The following VLDLR variants were observed in gnomAD, a reference collection of about 807,000 sequenced individuals.
VLDLR encodes very low density lipoprotein receptor, also known as very low-density lipoprotein receptor.
In VLDLR, 81 loss-of-function variants were observed where a neutral mutation model predicts 112.7. The observed-to-expected ratio is 0.72, with a 90% CI of 0.60 to 0.86. VLDLR has a LOEUF of 0.86. Among genes scored for constraint, VLDLR ranks in the 40% least tolerant of loss-of-function variants. The pLI, the probability that VLDLR is intolerant of heterozygous loss-of-function variation, is 0.00. For missense variants in VLDLR, 1,237 were observed against 1,099.4 expected (o/e 1.13, Z -1.77); for synonymous variants, 436 against 384.8 (o/e 1.13, Z -1.56).
intron 11 of VLDLR, 22 bp from the exon 12 acceptor site, chr9:2,647,452 T>C: frequency 6.2e-7 from 1 of 1,601,822 alleles, no homozygotes; most frequent in South Asian, 1.1e-5. Flanking sequence ...CTGAGGCTTA[T>C]TTCTCATTTA....
chr9:2,626,088 G>T (rs572073219), intron 1 of VLDLR, among the ~76,000 whole-genome samples: 2 of 152,346 alleles, frequency 1.3e-5, no homozygotes, highest in East Asian at 3.9e-4. Context: ...GGAACCAAAT[G>T]AGATGGCAGG....
chr9:2,641,541 T>C (rs143170351), intron 4 of VLDLR, 42 bp downstream of exon 4: 2 of 1,612,814 alleles, frequency 1.2e-6, no homozygotes, highest in Non-Finnish European at 1.7e-6. Context: ...AAAGACCCTT[T>C]TCCTAAAGGA....
chr9:2,653,694 CT>C, intron 18 of VLDLR, 138 bp from the exon 19 acceptor site: 1 of 858,302 alleles, frequency 1.2e-6, no homozygotes. Context: ...ACTCAGTATT[CT>C]TTTGTATCTG....
chr9:2,623,987 G>C (rs185975123), intron 1 of VLDLR, among the ~76,000 whole-genome samples: 4 of 152,256 alleles, frequency 2.6e-5, no homozygotes, highest in African/African-American at 9.6e-5. Context: ...AAAACGCTAA[G>C]GTATACCAGA....
chr9:2,648,176 T>A (rs368906793), intron 12 of VLDLR, 32 bp from the exon 13 acceptor site: 2 of 1,613,718 alleles, frequency 1.2e-6, no homozygotes, highest in Admixed American at 1.7e-5. Flanking sequence ...AGTAGTGGCT[T>A]GTCATGTAAT....
chr9:2,634,643 G>A (rs1028430949), intron 1 of VLDLR, among the ~76,000 whole-genome samples: 3 of 152,154 alleles, frequency 2.0e-5, no homozygotes, highest in Non-Finnish European at 2.9e-5. Context: ...CAGAGAAATC[G>A]AAACTACATC....
At chr9:2,640,394 G>A (rs1309878886) in intron 3 of VLDLR, among the ~76,000 whole-genome samples, 1 of 152,186 alleles carries the variant, frequency 6.6e-6, no homozygotes, top group Non-Finnish European at 1.5e-5. Flanking sequence ...CTATTAAAAA[G>A]CTATTACTGA....
chr9:2,650,021 C>T (rs1441173434), intron 14 of VLDLR, among the ~76,000 whole-genome samples: 3 of 152,198 alleles, frequency 2.0e-5, no homozygotes, highest in East Asian at 1.9e-4. Flanking sequence ...ACCAGGAGAA[C>T]ATGCCTAGTC....
In VLDLR at chr9:2,651,916, C is replaced by T. The variant is rs758903406; in HGVS notation, c.2378C>T (p.Pro793Leu). ...GCAGTATCAGAGGTCAGTGTTCCCC[C>T]AAAAGGGACTTCTGCCGCATGGGCC... ...TTAVSEVSVP[P>L]KGTSAAWAIL... Residue 793 changes from proline to leucine, a missense_variant, in exon 17 of 19, where the codon CCA becomes CTA. Pro to Leu is a moderately conservative substitution (Grantham distance 98). Transcript: ENST00000382100. The T allele has an allele frequency of 1.2e-5, 19 of 1,613,978 alleles. No individual in the cohort carries two copies. Among genetic ancestry groups the T allele is most frequent in the Non-Finnish European group, 1.6e-5 (19 of 1,179,984 alleles).
At chr9:2,626,488 C>T (rs1817091374) in intron 1 of VLDLR, among the ~76,000 whole-genome samples, 1 of 152,182 alleles carries the variant, frequency 6.6e-6, no homozygotes, top group African/African-American at 2.4e-5. Context: ...TGAGTGAAGT[C>T]TCCTAGGAAA....
intron 18 of VLDLR, 68 bp from the exon 19 acceptor site, chr9:2,653,765 T>C (rs1384569575): frequency 1.0e-5 from 16 of 1,582,752 alleles, no homozygotes; most frequent in Non-Finnish European, 1.4e-5. Flanking sequence ...GCAAGGTCCA[T>C]TTTAAAGACT....
rs772864296 is a variant in VLDLR at position 2,647,504 on chromosome 9, A to C, written c.1734A>C (p.Pro578=). 4 of 1,614,062 alleles carry C rather than the reference A, an allele frequency of 2.5e-6. No individual in the cohort carries two copies. The African/African-American group carries it at 5.3e-5, about 22-fold the overall frequency. ...TTTACTGGTCAGACTGGGGTGAACC[A>C]GCTAAAATAGAAAAAGCAGGAATGA... ...GFVYWSDWGE[P]AKIEKAGMNG... is the part of the protein sequence containing the mutation. The change falls in exon 12 of 19, where the codon CCA becomes CCC. Residue 578 remains proline, a synonymous_variant. Transcript: ENST00000382100.
intron 1 of VLDLR, among the ~76,000 whole-genome samples, chr9:2,633,695 A>G (rs1242774728): frequency 6.6e-6 from 1 of 152,142 alleles, no homozygotes; most frequent in Non-Finnish European, 1.5e-5. Flanking sequence ...ATTTATACCT[A>G]TGTTCTCAGA....
intron 4 of VLDLR, 39 bp from the exon 5 acceptor site, chr9:2,643,121 C>A (rs777147803): frequency 2.2e-5 from 36 of 1,602,292 alleles, no homozygotes; most frequent in Non-Finnish European, 2.6e-5. Context: ...ACGGACCAAT[C>A]TTGATGCATT....
chr9:2,641,135 A>G (rs930044440), intron 3 of VLDLR, among the ~76,000 whole-genome samples: 17 of 152,224 alleles, frequency 1.1e-4, no homozygotes, highest in African/African-American at 4.1e-4. Context: ...TGAGCACGCC[A>G]TGGGACCTTG....
intron 17 of VLDLR, among the ~76,000 whole-genome samples, 153 bp downstream of exon 17, chr9:2,652,107 C>G (rs2130809211): frequency 6.6e-6 from 1 of 152,334 alleles, no homozygotes; most frequent in South Asian, 2.1e-4. Flanking sequence ...ACATAATACA[C>G]TAAATTAAGG....
chr9:2,643,175 G>A lies in VLDLR; in HGVS notation c.464G>A (p.Ser155Asn). Residue 155 changes from serine (S) to asparagine (N), a missense_variant, in exon 5 of 19, where the codon AGT becomes AAT. By Grantham distance (46) the Ser-to-Asn change is conservative. Coordinates refer to ENST00000382100, the MANE Select transcript of VLDLR (RefSeq NM_003383.5). ...CTCTTAATAGGCAATATAACATGTA[G>A]TCCCGACGAGTTCACCTGCTCCAGT... ...DEENCGNITC[S>N]PDEFTCSSGR... 6.2e-7 allele frequency: 1 copy of A among 1,612,090 alleles called. No homozygotes were observed. The highest frequency in any genetic ancestry group is 8.5e-7 in the Non-Finnish European group (1 of 1,180,040).
chr9:2,622,064 C>T lies in VLDLR; in HGVS notation c.-126C>T, dbSNP rs903449508. 1.6e-5 allele frequency: 14 copies of T among 875,692 alleles called. No individual in the cohort carries two copies. The African/African-American group carries it at 2.5e-4, about 16-fold the overall frequency. The allele number at this position is 875,692 out of a possible 1,614,324, so 54.2% of individuals were successfully genotyped here. On this transcript the variant is annotated 5_prime_UTR_variant, in exon 1 of 19. Transcript: ENST00000382100. ...CGCTCCCTTCCCCCGCCAACTCCTT[C>T]CCCTCCTTCTCCCCCTTTCCCCTCC...
intron 1 of VLDLR, among the ~76,000 whole-genome samples, chr9:2,630,244 C>T (rs1297442791): frequency 1.3e-5 from 2 of 152,092 alleles, no homozygotes; most frequent in Admixed American, 6.5e-5. Flanking sequence ...TTTGCTGACT[C>T]AGAAATTTGC....
Sources: allele counts gnomAD v4.1 joint callset (sites outside exome capture counted in the v4.1 genomes callset), GRCh38; gene constraint gnomAD v4.1.1; transcripts MANE v1.5; gene names NCBI Gene and HGNC (gene_info 2026-07-23, HGNC 2026-07-21).